DGKB: variants seen among roughly 807,000 people sequenced by gnomAD.
DGKB encodes diacylglycerol kinase beta, also known as 90 kDa diacylglycerol kinase.
A neutral mutation model predicts 114.3 loss-of-function variants in DGKB; 67 were observed. The observed-to-expected ratio is 0.59, with a 90% CI of 0.48 to 0.72. The LOEUF is 0.72. DGKB is among the 30% of genes least tolerant of loss of function. The pLI is 0.00. For missense variants in DGKB, 907 were observed against 975.2 expected (o/e 0.93, Z 0.93); for synonymous variants, 398 against 323.1 (o/e 1.23, Z -2.49).
intron 1 of DGKB, among the ~76,000 whole-genome samples, chr7:14,842,799 G>A (rs1848116596): frequency 6.6e-6 from 1 of 152,154 alleles, no homozygotes; most frequent in Admixed American, 6.5e-5. Context: ...GTGATTCAAT[G>A]ACAGGGTGAA....
intron 9 of DGKB, among the ~76,000 whole-genome samples, chr7:14,693,418 A>C (rs541344159): frequency 6.6e-6 from 1 of 152,130 alleles, no homozygotes; most frequent in South Asian, 2.1e-4. Context: ...TTCTCATCTT[A>C]GGTTGATTTA....
chr7:14,826,810 T>A (rs951733411), intron 2 of DGKB, among the ~76,000 whole-genome samples: 1 of 152,174 alleles, frequency 6.6e-6, no homozygotes, highest in Non-Finnish European at 1.5e-5. Context: ...TAATGTGACC[T>A]ATAATAATAA....
intron 6 of DGKB, among the ~76,000 whole-genome samples, chr7:14,703,412 T>A (rs1363868183): frequency 6.6e-6 from 1 of 152,182 alleles, no homozygotes; most frequent in Non-Finnish European, 1.5e-5. Flanking sequence ...TAATGGGCAT[T>A]CATTACTGAC....
At chr7:14,411,137 A>G (rs1360878383) in intron 21 of DGKB, among the ~76,000 whole-genome samples, 2 of 152,152 alleles carry the variant, frequency 1.3e-5, no homozygotes, top group African/African-American at 4.8e-5. Flanking sequence ...ATGGTATTCA[A>G]TATATTGCAT....
rs572860207 is a variant in DGKB at position 14,426,198 on chromosome 7, G to T, written c.1835+51963C>A. 2.6e-4 allele frequency among the ~76,000 whole-genome samples: 39 copies of T among 152,244 alleles called. No homozygotes were observed. In the South Asian group the frequency reaches 7.5e-3, roughly 29 times the overall value. ...ATTATTGGACTCAGATTACCTACAG[G>T]CCTGGAAGACAGTGGCTCTGTCTAC... On this transcript the variant is annotated intron_variant, in intron 21 of 25. Transcript: ENST00000402815.
At chr7:14,395,472 A>G (rs1420448496) in intron 21 of DGKB, among the ~76,000 whole-genome samples, 1 of 151,950 alleles carries the variant, frequency 6.6e-6, no homozygotes, top group Non-Finnish European at 1.5e-5. Flanking sequence ...CAAAAAGGAA[A>G]AATTTCATTT....
At chr7:14,205,234 C>T (rs1474158387) in intron 23 of DGKB, among the ~76,000 whole-genome samples, 1 of 151,870 alleles carries the variant, frequency 6.6e-6, no homozygotes, top group African/African-American at 2.4e-5. Context: ...CTGATATCTG[C>T]CTCCCCGGAT....
intron 14 of DGKB, among the ~76,000 whole-genome samples, chr7:14,625,610 C>A (rs1808434313): frequency 6.6e-6 from 1 of 152,090 alleles, no homozygotes; most frequent in Non-Finnish European, 1.5e-5. Flanking sequence ...TGCCATTTAA[C>A]CTTCAGTTTC....
chr7:14,435,648 T>A (rs1231119049), intron 21 of DGKB, among the ~76,000 whole-genome samples: 1 of 152,136 alleles, frequency 6.6e-6, no homozygotes, highest in South Asian at 2.1e-4. Context: ...TGCCATGTTA[T>A]CTTTGATGGC....
chr7:14,912,062 C>G (rs898262678), intron 1 of DGKB, among the ~76,000 whole-genome samples: 26 of 152,076 alleles, frequency 1.7e-4, no homozygotes, highest in East Asian at 3.9e-4. Context: ...GTAACAAATT[C>G]TGATTTTTCT....
At chr7:14,948,897 T>C (rs914569784) in intron 1 of DGKB, among the ~76,000 whole-genome samples, 3 of 151,330 alleles carry the variant, frequency 2.0e-5, no homozygotes, top group Admixed American at 1.3e-4. Flanking sequence ...AATAAAGAAA[T>C]AGAAATATGC....
At chr7:14,738,080 G>A (rs1015508094) in intron 4 of DGKB, among the ~76,000 whole-genome samples, 1 of 152,164 alleles carries the variant, frequency 6.6e-6, no homozygotes, top group African/African-American at 2.4e-5. Flanking sequence ...AGTCAGACAT[G>A]GGATCCAAAT....
intron 23 of DGKB, among the ~76,000 whole-genome samples, chr7:14,254,081 G>A (rs1161470088): frequency 6.6e-6 from 1 of 152,110 alleles, no homozygotes; most frequent in Admixed American, 6.5e-5. Flanking sequence ...GGAGTGAGAG[G>A]TACAAAAGAA....
At chr7:14,762,873 C>T (rs530880030) in intron 2 of DGKB, among the ~76,000 whole-genome samples, 58 of 152,216 alleles carry the variant, frequency 3.8e-4, no homozygotes, top group Admixed American at 1.2e-3. Flanking sequence ...AGGGATCTGG[C>T]AATACTGTGT....
intron 13 of DGKB, among the ~76,000 whole-genome samples, chr7:14,643,344 G>A (rs1812205660): frequency 8.9e-6 from 1 of 111,936 alleles, no homozygotes; most frequent in South Asian, 2.6e-4. Context: ...GAGTTCACAT[G>A]ACTGTATTGT....
At chr7:14,882,404 TTTTG>T (rs1334499089) in intron 1 of DGKB, among the ~76,000 whole-genome samples, 9 of 152,122 alleles carry the variant, frequency 5.9e-5, no homozygotes, top group South Asian at 2.1e-4. Context: ...TAGTATTGTT[TTTTG>T]TTTGTTTGTT....
chr7:14,824,996 A>G (rs887259624), intron 2 of DGKB, among the ~76,000 whole-genome samples: 6 of 133,494 alleles, frequency 4.5e-5, no homozygotes, highest in South Asian at 4.8e-4. Flanking sequence ...ATATGTGTGT[A>G]TATATATATG....
At chr7:14,855,329 A>C (rs182388480) in intron 1 of DGKB, among the ~76,000 whole-genome samples, 35 of 152,310 alleles carry the variant, frequency 2.3e-4, no homozygotes, top group African/African-American at 7.9e-4. Flanking sequence ...TCCTTCAGAG[A>C]CAAAATATAT....
At chr7:14,970,580 G>A (rs955864450) in intron 1 of DGKB, among the ~76,000 whole-genome samples, 5 of 151,824 alleles carry the variant, frequency 3.3e-5, no homozygotes, top group African/African-American at 1.2e-4. Flanking sequence ...TAAACCAGAG[G>A]AGAAAAAAAC....
Sources: gnomAD v4.1 joint callset for allele counts (sites outside exome capture counted in the v4.1 genomes callset) on GRCh38, gnomAD v4.1.1 for gene constraint, MANE v1.5 for transcripts, NCBI Gene and HGNC (gene_info 2026-07-23, HGNC 2026-07-21) for gene names.